SMYD3: variants seen among roughly 807,000 people sequenced by gnomAD.
SMYD3 encodes histone-lysine N-methyltransferase SMYD3.
Under a neutral mutation model 57.7 loss-of-function variants are expected in SMYD3, and 36 were observed. That is an observed-to-expected ratio of 0.62 (90% CI 0.48 to 0.82). The LOEUF (loss-of-function observed/expected upper bound fraction) is 0.82. Ranked by LOEUF, SMYD3 falls within the 40% of genes least tolerant of loss-of-function variation. The pLI is 0.00. For synonymous variants in SMYD3, 211 were observed against 195.0 expected, an observed-to-expected ratio of 1.08 and a Z score of -0.68; for missense variants, 515 against 538.8, an observed-to-expected ratio of 0.96 and a Z score of 0.44.
chr1:246,012,608 T>C (rs1293990299), intron 5 of SMYD3, among the ~76,000 whole-genome samples: 1 of 152,114 alleles, frequency 6.6e-6, no homozygotes, highest in Non-Finnish European at 1.5e-5. Flanking sequence ...CAGGAAAACA[T>C]TGAGATTTGT....
At chr1:245,751,903 C>T (rs1452569115) in intron 11 of SMYD3, among the ~76,000 whole-genome samples, 1 of 152,204 alleles carries the variant, frequency 6.6e-6, no homozygotes, top group Admixed American at 6.5e-5. Flanking sequence ...GGGACCAGCC[C>T]CCACCTTGCA....
At chr1:246,261,614 T>G (rs2064013713) in intron 5 of SMYD3, among the ~76,000 whole-genome samples, 1 of 151,706 alleles carries the variant, frequency 6.6e-6, no homozygotes, top group South Asian at 2.1e-4. Flanking sequence ...TACAGAAAGC[T>G]CAAGACACAT....
At chr1:246,062,271 A>G (rs1223441563) in intron 5 of SMYD3, among the ~76,000 whole-genome samples, 1 of 152,192 alleles carries the variant, frequency 6.6e-6, no homozygotes, top group Non-Finnish European at 1.5e-5. Flanking sequence ...GAGGTTAGTC[A>G]CTGATTTGGG....
intron 5 of SMYD3, among the ~76,000 whole-genome samples, chr1:246,180,076 G>A (rs1253425923): frequency 6.6e-6 from 1 of 151,758 alleles, no homozygotes. Flanking sequence ...GGGAGGTCAA[G>A]GCAGGAGGAT....
chr1:246,008,542 C>G (rs2059218572), intron 5 of SMYD3, among the ~76,000 whole-genome samples: 1 of 152,174 alleles, frequency 6.6e-6, no homozygotes, highest in African/African-American at 2.4e-5. Flanking sequence ...GTAAGAATGC[C>G]ATGACTATTT....
At chr1:246,275,777 T>G (rs569275533) in intron 5 of SMYD3, among the ~76,000 whole-genome samples, 2 of 152,146 alleles carry the variant, frequency 1.3e-5, no homozygotes, top group African/African-American at 4.8e-5. Context: ...TAACTCTGTT[T>G]TTTCACTAGC....
intron 3 of SMYD3, among the ~76,000 whole-genome samples, chr1:246,331,097 T>C (rs2065453258): frequency 1.3e-5 from 2 of 152,170 alleles, no homozygotes; most frequent in African/African-American, 4.8e-5. Context: ...ATTGTGCTAC[T>C]ATACTCCAGC....
chr1:246,166,327 T>G (rs923332997), intron 5 of SMYD3, among the ~76,000 whole-genome samples: 1 of 152,120 alleles, frequency 6.6e-6, no homozygotes, highest in African/African-American at 2.4e-5. Flanking sequence ...ATAGGGTTCT[T>G]TCAGATTCTC....
chr1:246,289,389 T>G (rs138649410), intron 5 of SMYD3, among the ~76,000 whole-genome samples: 30 of 152,230 alleles, frequency 2.0e-4, no homozygotes, highest in African/African-American at 7.0e-4. Flanking sequence ...TTTTAGTGCA[T>G]GCAGAACGTC....
chr1:245,877,781 A>C (rs1316722990), intron 8 of SMYD3, among the ~76,000 whole-genome samples: 1 of 152,190 alleles, frequency 6.6e-6, no homozygotes, highest in East Asian at 1.9e-4. Flanking sequence ...TGGACATGCT[A>C]ATATAAGATG....
intron 5 of SMYD3, among the ~76,000 whole-genome samples, chr1:246,300,236 T>C (rs1234374599): frequency 6.6e-6 from 1 of 152,152 alleles, no homozygotes; most frequent in South Asian, 2.1e-4. Context: ...CTTTTCATAA[T>C]GCACATAGTT....
intron 8 of SMYD3, among the ~76,000 whole-genome samples, chr1:245,898,498 T>G (rs759862447): frequency 2.6e-5 from 4 of 152,226 alleles, no homozygotes; most frequent in Non-Finnish European, 4.4e-5. Flanking sequence ...AAGTTGATCC[T>G]GAGTGCTAAA....
rs543909793 is a variant in SMYD3, at chr1:246,193,018, A to G, written c.531+134183T>C. ...GAGTTCTAATAAGTACAGCCAAATT[A>G]AGAACAAAATATGCTAAGAAAACAG... On this transcript the variant is annotated intron_variant, in intron 5 of 11. Coordinates refer to ENST00000490107, the MANE Select transcript of SMYD3 (RefSeq NM_001167740.2). Among the ~76,000 whole-genome samples the G allele has an allele frequency of 6.6e-5, 10 of 152,346 alleles. No homozygotes were observed. The East Asian group carries it at 1.7e-3, about 26-fold the overall frequency.
chr1:245,902,314 G>A (rs1366666006), intron 8 of SMYD3, among the ~76,000 whole-genome samples: 3 of 152,190 alleles, frequency 2.0e-5, no homozygotes, highest in Non-Finnish European at 4.4e-5. Context: ...CCTGCCTGGG[G>A]CCACTGCCAC....
At position 246,209,963 on chromosome 1, in the gene SMYD3, A is replaced by T. The variant is rs140374387; in HGVS notation, c.531+117238T>A. ...AATTACAACTGACAAATGACATCTT[A>T]TCTGGTAACTCTGTCAAATCTTCAC... On this transcript the variant is annotated intron_variant, in intron 5 of 11. Transcript: ENST00000490107. Among the ~76,000 whole-genome samples the T allele has an allele frequency of 1.5e-3, 227 of 152,288 alleles. 1 individual carries two copies. Among genetic ancestry groups the T allele is most frequent in the African/African-American group, 5.3e-3 (222 of 41,530 alleles).
chr1:246,326,223 CA>C, intron 5 of SMYD3: 1 of 432,134 alleles, frequency 2.3e-6, no homozygotes, highest in Non-Finnish European at 4.1e-6. Flanking sequence ...AAATAAGTGG[CA>C]AAATTGTCAA....
intron 5 of SMYD3, among the ~76,000 whole-genome samples, chr1:246,172,738 C>T (rs1481394793): frequency 3.4e-5 from 5 of 148,292 alleles, no homozygotes; most frequent in Admixed American, 6.7e-5. Context: ...ACACTGTACG[C>T]TTAGGCTACA....
At chr1:246,487,186 G>A (rs9645316) in intron 1 of SMYD3, among the ~76,000 whole-genome samples, 59,341 of 140,948 alleles carry the variant, frequency 0.42, 13,193 homozygotes, top group East Asian at 0.64. Context: ...GGTAGCTCAC[G>A]CCTGTAATCC....
chr1:246,232,962 T>C (rs1180575940), intron 5 of SMYD3, among the ~76,000 whole-genome samples: 1 of 135,410 alleles, frequency 7.4e-6, no homozygotes, highest in Non-Finnish European at 1.6e-5. Flanking sequence ...ACTCCTCAAT[T>C]CACACTGTGA....
Sources: gnomAD v4.1 joint callset for allele counts (sites outside exome capture counted in the v4.1 genomes callset) on GRCh38, gnomAD v4.1.1 for gene constraint, MANE v1.5 for transcripts, NCBI Gene and HGNC (gene_info 2026-07-23, HGNC 2026-07-21) for gene names.